ADAMTS19: variants seen among roughly 807,000 people sequenced by gnomAD.
The protein encoded by ADAMTS19 is A disintegrin and metalloproteinase with thrombospondin motifs 19.
In ADAMTS19, 93 loss-of-function variants were observed where a neutral mutation model predicts 153.3. That is an observed-to-expected ratio of 0.61 (90% CI 0.51 to 0.72). The LOEUF (loss-of-function observed/expected upper bound fraction) is 0.72, where lower values mean the gene tolerates loss of function less well. Among genes scored for constraint, ADAMTS19 ranks in the 30% least tolerant of loss-of-function variants. The pLI is 0.00. For synonymous variants in ADAMTS19, 600 were observed against 556.6 expected (o/e 1.08, Z -1.10); for missense variants, 1,482 against 1,552.1 (o/e 0.95, Z 0.76).
chr5:129,560,706 T>G (rs1753476900), intron 7 of ADAMTS19, among the ~76,000 whole-genome samples: 1 of 152,254 alleles, frequency 6.6e-6, no homozygotes, highest in African/African-American at 2.4e-5. Flanking sequence ...TAAGTACTAC[T>G]GTACTTTATG....
rs1750383576 is a variant in ADAMTS19, at chr5:129,596,510, A to T, written c.1373-49A>T. On this transcript the variant is annotated intron_variant, in intron 7 of 22. Transcript: ENST00000274487. Reference sequence around the variant, plus strand: ...CCTGCTGCTAATAACTAGTATAAATATTTGCATATTCATTCAGACATATAA... The same window carrying T: ...CCTGCTGCTAATAACTAGTATAAATTTTTGCATATTCATTCAGACATATAA... 3.2e-6 allele frequency: 4 copies of T among 1,248,190 alleles called. No homozygotes were observed. The Admixed American group carries it at 8.0e-5, about 25-fold the overall frequency. The allele number at this position is 1,248,190 out of a possible 1,614,324, so 77.3% of individuals were successfully genotyped here.
chr5:129,725,722 C>A (rs550782328), intron 21 of ADAMTS19, among the ~76,000 whole-genome samples: 1 of 152,126 alleles, frequency 6.6e-6, no homozygotes, highest in African/African-American at 2.4e-5. Flanking sequence ...CCCACTTCTG[C>A]CCTGGTCATG....
intron 10 of ADAMTS19, among the ~76,000 whole-genome samples, chr5:129,630,447 A>G (rs951195926): frequency 6.6e-6 from 1 of 152,104 alleles, no homozygotes; most frequent in African/African-American, 2.4e-5. Flanking sequence ...AGAGAGTCCA[A>G]TTATAGACTC....
chr5:129,514,641 A>AT (rs370670125), intron 3 of ADAMTS19, among the ~76,000 whole-genome samples: 11 of 151,742 alleles, frequency 7.2e-5, no homozygotes, highest in South Asian at 2.1e-4. Context: ...GGATTATGAG[A>AT]TTTTTTCCTA....
chr5:129,579,631 G>A (rs1036459579), intron 7 of ADAMTS19, among the ~76,000 whole-genome samples: 1 of 152,066 alleles, frequency 6.6e-6, no homozygotes, highest in South Asian at 2.1e-4. Context: ...TGTAAGGAAG[G>A]GGTCCAGTTT....
At chr5:129,467,276 G>T (rs1749897863) in intron 2 of ADAMTS19, among the ~76,000 whole-genome samples, 1 of 152,144 alleles carries the variant, frequency 6.6e-6, no homozygotes, top group African/African-American at 2.4e-5. Flanking sequence ...TATTAAGTCA[G>T]CGATTCTAGT....
At chr5:129,570,134 G>A (rs1011065310) in intron 7 of ADAMTS19, among the ~76,000 whole-genome samples, 1 of 151,866 alleles carries the variant, frequency 6.6e-6, no homozygotes, top group African/African-American at 2.4e-5. Flanking sequence ...AAAATCAGTG[G>A]AAACAAATTT....
intron 11 of ADAMTS19, among the ~76,000 whole-genome samples, chr5:129,646,817 T>C (rs1753084501): frequency 2.0e-5 from 3 of 152,306 alleles, no homozygotes; most frequent in East Asian, 1.9e-4. Flanking sequence ...CTCATCGTTA[T>C]ACAATCACTA....
In ADAMTS19 at chr5:129,576,057, G is replaced by T. The variant is rs546128361; in HGVS notation, c.1373-20502G>T. ...TCATCATCTTAATGCGGGGAGGAAG[G>T]GGGTGGGTGGGTCTCGGTGGTGTAG... On this transcript the variant is annotated intron_variant, in intron 7 of 22. Coordinates refer to ENST00000274487, the MANE Select transcript of ADAMTS19 (RefSeq NM_133638.6). Among the ~76,000 whole-genome samples, 3 of 151,128 alleles carry T rather than the reference G, an allele frequency of 2.0e-5. No individual in the cohort carries two copies. The South Asian group carries it at 6.3e-4, about 32-fold the overall frequency.
chr5:129,734,172 T>C (rs6888140), intron 21 of ADAMTS19, among the ~76,000 whole-genome samples: 11,849 of 151,586 alleles, frequency 0.078, 1,523 homozygotes, highest in African/African-American at 0.27. Context: ...AAAATAGACA[T>C]TGAGGTCTCC....
At chr5:129,489,296 C>T (rs528629416) in intron 2 of ADAMTS19, among the ~76,000 whole-genome samples, 1 of 152,132 alleles carries the variant, frequency 6.6e-6, no homozygotes, top group South Asian at 2.1e-4. Flanking sequence ...ATCAACAAGT[C>T]TTAGTAGTCC....
At chr5:129,720,166 A>ATT (rs1756925651) in intron 21 of ADAMTS19, among the ~76,000 whole-genome samples, 1 of 140,022 alleles carries the variant, frequency 7.1e-6, no homozygotes, top group Non-Finnish European at 1.5e-5. Flanking sequence ...ATATATATAT[A>ATT]TATATTTATT....
intron 19 of ADAMTS19, among the ~76,000 whole-genome samples, chr5:129,695,189 G>T (rs1482375195): frequency 6.6e-6 from 1 of 152,094 alleles, no homozygotes; most frequent in Non-Finnish European, 1.5e-5. Flanking sequence ...CTCCAAAACG[G>T]TGTGTTAGAA....
chr5:129,539,846 G>T (rs893439052), intron 6 of ADAMTS19, among the ~76,000 whole-genome samples: 5 of 151,930 alleles, frequency 3.3e-5, no homozygotes, highest in Admixed American at 2.0e-4. Flanking sequence ...CTCACTTGTG[G>T]GACAAGGCTT....
chr5:129,617,513 T>G (rs1176823475), intron 8 of ADAMTS19, among the ~76,000 whole-genome samples: 2 of 152,040 alleles, frequency 1.3e-5, no homozygotes, highest in Non-Finnish European at 2.9e-5. Flanking sequence ...AAAGACTAGT[T>G]ACCCTTCAAA....
chr5:129,552,022 G>C, intron 7 of ADAMTS19, 115 bp downstream of exon 7: 1 of 625,270 alleles, frequency 1.6e-6, no homozygotes, highest in South Asian at 2.5e-5. Context: ...CAAAATGTCA[G>C]ACATACATAT....
intron 14 of ADAMTS19, among the ~76,000 whole-genome samples, chr5:129,658,343 A>AAGAAAGAAAGAGAGAGAGAGAGAGAG (rs1554103334): frequency 8.9e-6 from 1 of 112,210 alleles, no homozygotes; most frequent in Non-Finnish European, 1.9e-5. Flanking sequence ...GAAAGAAAGA[A>AAGAAAGAAAGAGAGAGAGAGAGAGAG]AGAAAGAAAG....
At chr5:129,706,302 G>T (rs2127171005) in intron 21 of ADAMTS19, among the ~76,000 whole-genome samples, 1 of 152,306 alleles carries the variant, frequency 6.6e-6, no homozygotes, top group East Asian at 1.9e-4. Context: ...AGCCGCAGTG[G>T]CTCACGCCTG....
intron 8 of ADAMTS19, among the ~76,000 whole-genome samples, chr5:129,615,332 G>A (rs761794085): frequency 5.9e-5 from 9 of 151,996 alleles, no homozygotes; most frequent in Admixed American, 3.9e-4. Flanking sequence ...TCAGTTTACA[G>A]ATATTTTGAA....
Sources: gnomAD v4.1 joint callset for allele counts (sites outside exome capture counted in the v4.1 genomes callset) on GRCh38, gnomAD v4.1.1 for gene constraint, MANE v1.5 for transcripts, NCBI Gene and HGNC (gene_info 2026-07-23, HGNC 2026-07-21) for gene names.